The following PLCXD1 variants were observed in gnomAD, a reference collection of about 807,000 sequenced individuals.
The protein encoded by PLCXD1 is phosphatidylinositol specific phospholipase C X domain containing 1.
Under a neutral mutation model 37.8 loss-of-function variants are expected in PLCXD1, and 45 were observed. The observed-to-expected ratio is 1.19, with a 90% CI of 0.94 to 1.53. The LOEUF (loss-of-function observed/expected upper bound fraction) is 1.53. Among genes scored for constraint, PLCXD1 ranks in the 40% most tolerant of loss-of-function variants. PLCXD1 has a pLI of 0.00. For missense variants in PLCXD1, 539 were observed against 454.7 expected (o/e 1.19, Z -1.69); for synonymous variants, 246 against 206.9 (o/e 1.19, Z -1.62).
At chrX:285,874 C>T (rs2069439064) in intron 2 of PLCXD1, among the ~76,000 whole-genome samples, 1 of 152,144 alleles carries the variant, frequency 6.6e-6, no homozygotes, top group Non-Finnish European at 1.5e-5. Context: ...TCCAACTCGC[C>T]TTAGGAAGTG....
At chrX:288,687 G>T in intron 2 of PLCXD1, 46 bp from the exon 3 acceptor site, 1 of 1,608,766 alleles carries the variant, frequency 6.2e-7, no homozygotes, top group Admixed American at 1.7e-5. Context: ...GCAGGTGGCG[G>T]GGACGGACTC....
intron 3 of PLCXD1, among the ~76,000 whole-genome samples, chrX:289,984 G>T (rs2069576989): frequency 6.6e-6 from 1 of 152,024 alleles, no homozygotes; most frequent in Non-Finnish European, 1.5e-5. Context: ...TAGAGATGGA[G>T]TCTCGCTCTC....
At chrX:296,105 C>T (rs775396191) in intron 6 of PLCXD1, among the ~76,000 whole-genome samples, 61 of 151,918 alleles carry the variant, frequency 4.0e-4, no homozygotes, top group African/African-American at 1.4e-3. Context: ...AGCCACTGTG[C>T]CCGGCCTTTT....
chrX:291,896 G>A (rs746721766), intron 5 of PLCXD1, among the ~76,000 whole-genome samples: 14 of 152,258 alleles, frequency 9.2e-5, no homozygotes, highest in Admixed American at 3.9e-4. Flanking sequence ...AGCCGGGCGC[G>A]GTGGCTCACG....
At chrX:276,451 G>C (rs1174641625), upstream of PLCXD1, 1 of 152,230 alleles carries the variant, frequency 6.6e-6, no homozygotes, top group East Asian at 1.9e-4. Flanking sequence ...GACGTGGCGG[G>C]TGCCGTCTGT....
At position 285,370 on chromosome X, in the gene PLCXD1, ACATG is replaced by A. The variant is rs1057413201; in HGVS notation, c.127+1057_127+1060del. Among the ~76,000 whole-genome samples, 454 of 148,602 alleles carry A rather than the reference ACATG, an allele frequency of 3.1e-3. 1 individual carries two copies. The highest frequency in any genetic ancestry group is 0.011 in the African/African-American group (424 of 38,510). On this transcript the variant is annotated intron_variant, in intron 2 of 6. Coordinates refer to ENST00000381657, the MANE Select transcript of PLCXD1 (RefSeq NM_018390.4). ...CGTGTACACATGTACACACATGCACACATGTATATATATATTTGCACCTATGCAC... is the reference window on the plus strand; with the variant it reads ...CGTGTACACATGTACACACATGCACATATATATATATTTGCACCTATGCAC...
At chrX:278,922 G>A (rs2069206716), upstream of PLCXD1, among the ~76,000 whole-genome samples, 1 of 152,078 alleles carries the variant, frequency 6.6e-6, no homozygotes, top group Non-Finnish European at 1.5e-5. Flanking sequence ...AAGCGCGTCG[G>A]TGCGAAGAGA....
At position 299,436 on chromosome X, in the gene PLCXD1, C is replaced by T. The variant is rs1409754596; in HGVS notation, c.*101C>T. On this transcript the variant is annotated 3_prime_UTR_variant, in exon 7 of 7. Transcript: ENST00000381657. ...GGCCAAATGTTGGTGATCATAGGACCGATGATAATACGTTTTCATTTTCTT... is the reference window on the plus strand; with the variant it reads ...GGCCAAATGTTGGTGATCATAGGACTGATGATAATACGTTTTCATTTTCTT... 2 of 860,636 alleles carry T rather than the reference C, an allele frequency of 2.3e-6. No homozygotes were observed. The highest frequency in any genetic ancestry group is 1.7e-5 in the African/African-American group (1 of 60,024). The allele number at this position is 860,636 out of a possible 1,614,324, so 53.3% of individuals were successfully genotyped here. A position where few individuals can be genotyped will look rare whatever the true frequency, so the allele number is the denominator to read the frequency against.
At chrX:287,070 T>C (rs1190870952) in intron 2 of PLCXD1, among the ~76,000 whole-genome samples, 2 of 151,984 alleles carry the variant, frequency 1.3e-5, no homozygotes, top group African/African-American at 4.8e-5. Flanking sequence ...ACGCCTGTAA[T>C]CCCAGCACTT....
rs111535574 is a variant in PLCXD1 at position 299,383 on chromosome X, G to A, written c.*48G>A. 1,778 of 1,296,158 alleles carry A rather than the reference G, an allele frequency of 1.4e-3. 10 individuals are homozygous for A. The African/African-American group carries it at 0.015, about 11-fold the overall frequency. 80.3% of individuals were successfully genotyped at this position (1,296,158 alleles called of 1,614,324 possible). On this transcript the variant is annotated 3_prime_UTR_variant, in exon 7 of 7. Coordinates refer to ENST00000381657, the MANE Select transcript of PLCXD1 (RefSeq NM_018390.4). ...ACGCGGCGGCTGCAGTTTCACCCCCGAATTTCCAAGTATTGTGACTTTGTT... is the reference window on the plus strand; with the variant it reads ...ACGCGGCGGCTGCAGTTTCACCCCCAAATTTCCAAGTATTGTGACTTTGTT...
intron 3 of PLCXD1, among the ~76,000 whole-genome samples, chrX:289,709 C>A (rs967499853): frequency 5.3e-5 from 8 of 149,770 alleles, no homozygotes; most frequent in Non-Finnish European, 1.0e-4. Flanking sequence ...GTCAGGGTTT[C>A]ACTGTGTTAG....
rs776819852 is a variant in PLCXD1 at position 301,080 on chromosome X, A to T, written c.*1745A>T. 1 of 152,370 alleles carries T rather than the reference A, an allele frequency of 6.6e-6. No homozygotes were observed. Among genetic ancestry groups the T allele is most frequent in the Admixed American group, 6.5e-5 (1 of 15,280 alleles). The allele number at this position is 152,370 out of a possible 1,614,324, so 9.4% of individuals were successfully genotyped here. A position where few individuals can be genotyped will look rare whatever the true frequency, so the allele number is the denominator to read the frequency against. Reference sequence around the variant, plus strand: ...GGCTGGAGGGCAGTGGTACAGTCATAGCTCACTGCAGCCTCAACCTCCTGG... The same window carrying T: ...GGCTGGAGGGCAGTGGTACAGTCATTGCTCACTGCAGCCTCAACCTCCTGG... On this transcript the variant is annotated 3_prime_UTR_variant, in exon 7 of 7. Transcript: ENST00000381657.
rs188211187 is a variant in PLCXD1, at chrX:283,776, G to A, written c.-21-391G>A. ...GGCTCGCATTTGCATATTAAAGGTT[G>A]CCAAGCCGGGTCTAAGAGCCAGGGC... On this transcript the variant is annotated intron_variant, in intron 1 of 6. Coordinates refer to ENST00000381657, the MANE Select transcript of PLCXD1 (RefSeq NM_018390.4). The A allele has an allele frequency of 2.9e-3, 504 of 173,026 alleles. 2 individuals carry two copies. The highest frequency in any genetic ancestry group is 0.021 in the Middle Eastern group (7 of 330). 10.7% of individuals were successfully genotyped at this position (173,026 alleles called of 1,614,324 possible). A position where few individuals can be genotyped will look rare whatever the true frequency, so the allele number is the denominator to read the frequency against.
rs1320329874 is a variant in PLCXD1, at chrX:290,885, CCGGG to C, written c.393+111_393+114del. On this transcript the variant is annotated intron_variant, in intron 4 of 6. Transcript: ENST00000381657. ...AAGCAAGGGGGACAGCGGGAGGCGG[CCGGG>C]CACTGGTGCAGGTGCGGCCGGGCTG... 8.5e-4 allele frequency: 290 copies of C among 340,754 alleles called. 33 individuals carry two copies. In the African/African-American group the frequency reaches 0.01, roughly 12 times the overall value. 21.1% of individuals were successfully genotyped at this position (340,754 alleles called of 1,614,324 possible).
intron 2 of PLCXD1, among the ~76,000 whole-genome samples, chrX:284,569 T>G (rs1305546184): frequency 7.1e-6 from 1 of 140,146 alleles, no homozygotes; most frequent in Non-Finnish European, 1.6e-5. Context: ...TGTGCACACA[T>G]ACACAGGCAT....
At chrX:285,618 GGCACACAT>G (rs2069428589) in intron 2 of PLCXD1, among the ~76,000 whole-genome samples, 1 of 150,420 alleles carries the variant, frequency 6.6e-6, no homozygotes, top group Non-Finnish European at 1.5e-5. Context: ...CGTGTACACA[GGCACACAT>G]GCACATGCAC....
chrX:299,187 C>T lies in PLCXD1; in HGVS notation c.824C>T (p.Pro275Leu). 3 of 1,613,910 alleles carry T rather than the reference C, an allele frequency of 1.9e-6. No individual in the cohort carries two copies. The highest frequency in any genetic ancestry group is 2.5e-6 in the Non-Finnish European group (3 of 1,179,848). ...PSESLEKMTL[P>L]NLPRLSAWVR... ...GAGTCCCTGGAGAAGATGACGCTGC[C>T]CAACCTTCCGCGGCTGAGCGCGTGG... The change falls in exon 7 of 7, where the codon CCC becomes CTC. Residue 275 changes from proline (P) to leucine (L), a missense_variant. By Grantham distance (98) the Pro-to-Leu change is moderately conservative (BLOSUM62 -3). Coordinates refer to ENST00000381657, the MANE Select transcript of PLCXD1 (RefSeq NM_018390.4).
intron 2 of PLCXD1, among the ~76,000 whole-genome samples, chrX:285,375 T>C (rs1168058396): frequency 2.5e-5 from 3 of 118,910 alleles, no homozygotes; most frequent in African/African-American, 9.3e-5. Context: ...TGCACACATG[T>C]ATATATATAT....
chrX:284,029 C>T, intron 1 of PLCXD1, 138 bp from the exon 2 acceptor site: 1 of 670,212 alleles, frequency 1.5e-6, no homozygotes, highest in South Asian at 1.7e-5. Context: ...TGACAGGTGC[C>T]ACAGGTGCCC....
Sources: allele counts gnomAD v4.1 joint callset (sites outside exome capture counted in the v4.1 genomes callset), GRCh38; gene constraint gnomAD v4.1.1; transcripts MANE v1.5; gene names NCBI Gene and HGNC (gene_info 2026-07-23, HGNC 2026-07-21).